The following GRIP1 variants were observed in gnomAD, a reference collection of about 807,000 sequenced individuals.
GRIP1 encodes glutamate receptor interacting protein 1, also known as glutamate receptor-interacting protein 1.
In GRIP1, 45 loss-of-function variants were observed where a neutral mutation model predicts 129.9. That is an observed-to-expected ratio of 0.35 (90% CI 0.27 to 0.44). The LOEUF is 0.44. Ranked by LOEUF, GRIP1 falls within the 20% of genes least tolerant of loss-of-function variation. GRIP1 has a pLI of 1.00. For synonymous variants in GRIP1, 530 were observed against 520.8 expected (o/e 1.02, Z -0.24); for missense variants, 1,196 against 1,396.8 (o/e 0.86, Z 2.29).
chr12:66,488,850 C>T (rs2060028192), intron 7 of GRIP1, among the ~76,000 whole-genome samples: 1 of 152,118 alleles, frequency 6.6e-6, no homozygotes, highest in South Asian at 2.1e-4. Context: ...CACCTCTATG[C>T]ACACAAACTA....
intron 1 of GRIP1, among the ~76,000 whole-genome samples, chr12:66,760,975 A>G (rs1264578183): frequency 6.6e-6 from 1 of 152,008 alleles, no homozygotes; most frequent in Admixed American, 6.6e-5. Flanking sequence ...AACTTACCAC[A>G]CAGTGTAAGA....
intron 2 of GRIP1, among the ~76,000 whole-genome samples, chr12:66,569,864 C>A (rs2062898402): frequency 6.6e-6 from 1 of 152,136 alleles, no homozygotes; most frequent in Non-Finnish European, 1.5e-5. Flanking sequence ...ACAGTTTAGA[C>A]AACAGTACAT....
chr12:66,758,193 G>GT (rs1316389917), intron 1 of GRIP1, among the ~76,000 whole-genome samples: 11 of 152,154 alleles, frequency 7.2e-5, no homozygotes, highest in Non-Finnish European at 1.6e-4. Context: ...TGGACTTACA[G>GT]TTCCACTTGG....
At position 66,827,387 on chromosome 12, in the gene GRIP1, T is replaced by TGTGTGTGTGTGAGAGAGAGAGA. The variant is rs755458052; in HGVS notation, c.59-230461_59-230460insTCTCTCTCTCTCACACACACAC. On this transcript the variant is annotated intron_variant, in intron 1 of 1. Coordinates refer to the GRIP1 transcript ENST00000643019. ...AGGTGTGTGTGTGTGTGTGTGTGTGTGAGAGAGAGAGAGAGAGAGAGAGAG... is the reference window on the plus strand; with the variant it reads ...AGGTGTGTGTGTGTGTGTGTGTGTGTGTGTGTGTGTGAGAGAGAGAGAGAGAGAGAGAGAGAGAGAGAGAGAG... Among the ~76,000 whole-genome samples, 354 of 108,244 alleles carry TGTGTGTGTGTGAGAGAGAGAGA rather than the reference T, an allele frequency of 3.3e-3. 3 individuals carry two copies. In the East Asian group the frequency reaches 0.05, roughly 15 times the overall value. 71.0% of individuals were successfully genotyped at this position (108,244 alleles called of 152,430 possible).
At chr12:66,700,519 C>T (rs779630188) in intron 1 of GRIP1, among the ~76,000 whole-genome samples, 5 of 151,782 alleles carry the variant, frequency 3.3e-5, no homozygotes, top group Non-Finnish European at 5.9e-5. Flanking sequence ...ATCATCACAG[C>T]TCACTGCAGC....
chr12:66,931,426 C>A lies in GRIP1; in HGVS notation c.58+137624G>T, dbSNP rs561695268. Among the ~76,000 whole-genome samples the A allele has an allele frequency of 2.1e-4, 32 of 152,168 alleles. No homozygotes were observed. In the South Asian group the frequency reaches 2.3e-3, roughly 11 times the overall value. ...AATATCACTCTGGCAGGTGATTAAG[C>A]AATGAGTAGAATAATGAAGAAAGGG... is the stretch of plus-strand genomic sequence containing the variant. On this transcript the variant is annotated intron_variant, in intron 1 of 1. Coordinates refer to the GRIP1 transcript ENST00000643019.
intron 1 of GRIP1, among the ~76,000 whole-genome samples, chr12:66,825,253 C>T (rs11176438): frequency 0.27 from 41,586 of 152,038 alleles, 6,846 homozygotes; most frequent in Non-Finnish European, 0.37. Context: ...CAAATTTTTT[C>T]ATGCCATAAA....
At chr12:66,531,251 AAATATATATATATATATATATATAT>A (rs1565833676) in intron 4 of GRIP1, among the ~76,000 whole-genome samples, 8 of 39,776 alleles carry the variant, frequency 2.0e-4, no homozygotes, top group South Asian at 1.1e-3. Context: ...AAAAAAAAAA[AAATATATATATATATATATATATAT>A]ATATATATAT....
intron 1 of GRIP1, among the ~76,000 whole-genome samples, chr12:66,909,451 C>T (rs2040992772): frequency 6.6e-6 from 1 of 152,228 alleles, no homozygotes; most frequent in Non-Finnish European, 1.5e-5. Context: ...ATTGCATATG[C>T]AAAACTAGTT....
At position 66,938,455 on chromosome 12, in the gene GRIP1, T is replaced by C. The variant is rs186833238; in HGVS notation, c.58+130595A>G. Among the ~76,000 whole-genome samples the C allele has an allele frequency of 3.1e-3, 469 of 152,324 alleles. 1 individual carries two copies. The highest frequency in any genetic ancestry group is 0.014 in the Middle Eastern group (4 of 294). On this transcript the variant is annotated intron_variant, in intron 1 of 1. Transcript: ENST00000643019. Reference sequence around the variant, plus strand: ...TAATTAAAATTAATTTCACTGTTTATTTTTATGTTTTAATACCACCAATAG... The same window carrying C: ...TAATTAAAATTAATTTCACTGTTTACTTTTATGTTTTAATACCACCAATAG...
At chr12:66,478,141 C>T (rs989180429) in intron 7 of GRIP1, among the ~76,000 whole-genome samples, 29 of 152,126 alleles carry the variant, frequency 1.9e-4, no homozygotes, top group African/African-American at 6.8e-4. Context: ...TGACAAAGGG[C>T]TAATATCCTA....
chr12:66,356,696 C>T (rs538801538), intron 23 of GRIP1, among the ~76,000 whole-genome samples: 14 of 151,746 alleles, frequency 9.2e-5, no homozygotes, highest in African/African-American at 9.7e-5. Flanking sequence ...AACACCAGTC[C>T]GCATGTCATT....
intron 1 of GRIP1, among the ~76,000 whole-genome samples, chr12:66,649,761 A>C (rs1271171784): frequency 6.6e-6 from 1 of 152,244 alleles, no homozygotes; most frequent in Non-Finnish European, 1.5e-5. Context: ...GATACACGGA[A>C]ATGAGGAAAA....
chr12:67,035,705 A>C (rs997484921), intron 1 of GRIP1: 1 of 152,184 alleles, frequency 6.6e-6, no homozygotes, highest in Non-Finnish European at 1.5e-5. Context: ...CAAAAGAGAG[A>C]GAGAATAAAT....
chr12:66,470,136 A>G (rs1225079648), intron 7 of GRIP1, among the ~76,000 whole-genome samples: 1 of 152,086 alleles, frequency 6.6e-6, no homozygotes, highest in African/African-American at 2.4e-5. Flanking sequence ...ACCTTCCCCA[A>G]TCCAGAGTGA....
At chr12:66,961,220 A>C (rs1436723523) in intron 1 of GRIP1, among the ~76,000 whole-genome samples, 1 of 152,114 alleles carries the variant, frequency 6.6e-6, no homozygotes, top group African/African-American at 2.4e-5. Flanking sequence ...GCAGAGACGG[A>C]GGAGGAGCAA....
rs112976977 is a variant in GRIP1, at chr12:66,658,580, C to CA, written c.55+20269dup. ...TGGGTGACAGAGCGAGACTCCATCTCAAAAAAAAAAAAGAAAAAAAAATCC... is the reference window on the plus strand; with the variant it reads ...TGGGTGACAGAGCGAGACTCCATCTCAAAAAAAAAAAAAGAAAAAAAAATCC... On this transcript the variant is annotated intron_variant, in intron 1 of 24. Coordinates refer to ENST00000359742, the MANE Select transcript of GRIP1 (RefSeq NM_001366722.1). 3.1e-3 allele frequency among the ~76,000 whole-genome samples: 389 copies of CA among 124,890 alleles called. 1 individual carries two copies. Among genetic ancestry groups the CA allele is most frequent in the African/African-American group, 6.1e-3 (214 of 35,008 alleles). The allele number at this position is 124,890 out of a possible 152,430, so 81.9% of individuals were successfully genotyped here. A position where few individuals can be genotyped will look rare whatever the true frequency, so the allele number is the denominator to read the frequency against.
rs1339642599 is a variant in GRIP1 at position 66,518,003 on chromosome 12, A to C, written c.503-27T>G. The C allele has an allele frequency of 3.2e-6, 4 of 1,238,362 alleles. No individual in the cohort carries two copies. The South Asian group carries it at 4.8e-5, about 15-fold the overall frequency. 76.7% of individuals were successfully genotyped at this position (1,238,362 alleles called of 1,614,324 possible). A position where few individuals can be genotyped will look rare whatever the true frequency, so the allele number is the denominator to read the frequency against. ...TAGCAAAGAAAAGGAACAGAGCTTA[A>C]AACTGCTTTCATTGTTGGCATTTAA... On this transcript the variant is annotated intron_variant, in intron 5 of 24. Coordinates refer to ENST00000359742, the MANE Select transcript of GRIP1 (RefSeq NM_001366722.1).
At chr12:66,361,959 G>A (rs2054795405) in intron 23 of GRIP1, among the ~76,000 whole-genome samples, 1 of 151,958 alleles carries the variant, frequency 6.6e-6, no homozygotes, top group African/African-American at 2.4e-5. Context: ...CAGAAAGGAT[G>A]ACAAGTTGCA....
Sources: allele counts gnomAD v4.1 joint callset (sites outside exome capture counted in the v4.1 genomes callset), GRCh38; gene constraint gnomAD v4.1.1; transcripts MANE v1.5; gene names NCBI Gene and HGNC (gene_info 2026-07-23, HGNC 2026-07-21).